NOS2: variants seen among roughly 807,000 people sequenced by gnomAD.
NOS2 encodes the protein nitric oxide synthase 2.
A neutral mutation model predicts 136.0 loss-of-function variants in NOS2; 96 were observed. The ratio of observed to expected loss-of-function variants is 0.71; its 90% CI spans 0.60 to 0.84. The LOEUF is 0.84. NOS2 is among the 40% of genes least tolerant of loss of function. NOS2 has a pLI of 0.00. For synonymous variants in NOS2, 539 were observed against 587.5 expected (o/e 0.92, Z 1.20); for missense variants, 1,237 against 1,496.9 (o/e 0.83, Z 2.87).
At chr17:27,761,799 G>C (rs1322873174) in intron 22 of NOS2, among the ~76,000 whole-genome samples, 5 of 152,262 alleles carry the variant, frequency 3.3e-5, no homozygotes, top group African/African-American at 9.6e-5. Flanking sequence ...TCTCTGGGTT[G>C]TGTTCCCTTT....
intron 2 of NOS2, among the ~76,000 whole-genome samples, chr17:27,790,242 C>T (rs1909148606): frequency 6.6e-6 from 1 of 152,142 alleles, no homozygotes; most frequent in Non-Finnish European, 1.5e-5. Context: ...TACAGGCGCA[C>T]ACCACCACAC....
Position 27,757,206 on chromosome 17 carries a change from T to G in NOS2, c.*40A>C. 1 of 1,542,722 alleles carries G rather than the reference T, an allele frequency of 6.5e-7. No homozygotes were observed. Among genetic ancestry groups the G allele is most frequent in the Non-Finnish European group, 8.9e-7 (1 of 1,118,748 alleles). On this transcript the variant is annotated 3_prime_UTR_variant, in exon 27 of 27. Coordinates refer to ENST00000313735, the MANE Select transcript of NOS2 (RefSeq NM_000625.4). ...GATAATGCAGAGCTGGCTCCATCCT[T>G]AAGTTCTGTGCCGGCAGCTTTAACC... is the stretch of plus-strand genomic sequence containing the variant.
Position 27,761,160 on chromosome 17 carries a change from G to T in NOS2, c.2872C>A (p.Pro958Thr). 1.9e-6 allele frequency: 3 copies of T among 1,605,306 alleles called. No individual in the cohort carries two copies. ...LNSLKPQDPV[P>T]CFVRNASGFH... Reference sequence around the variant, plus strand: ...GGTGCTTACTTCCGCACAAAGCAGGGCACTGGGTCTTGGGGCTTCAGGCTG... The same window carrying T: ...GGTGCTTACTTCCGCACAAAGCAGGTCACTGGGTCTTGGGGCTTCAGGCTG... The change falls in exon 23 of 27, where the codon CCC becomes ACC. Residue 958 changes from proline (P) to threonine (T), a missense_variant. Pro to Thr is a conservative substitution (Grantham distance 38, BLOSUM62 -1). Around this residue, in one of 3 missense-constraint regions of NOS2, gnomAD observed 782 missense variants for 909.9 expected, o/e 0.86. Coordinates refer to ENST00000313735, the MANE Select transcript of NOS2 (RefSeq NM_000625.4).
intron 2 of NOS2, among the ~76,000 whole-genome samples, chr17:27,791,703 C>A (rs1909184205): frequency 1.3e-5 from 2 of 149,448 alleles, no homozygotes; most frequent in African/African-American, 2.5e-5. Context: ...CCATACTGTT[C>A]TTTAACAAGT....
At chr17:27,774,173 G>C in intron 12 of NOS2, 84 bp downstream of exon 12, 1 of 1,055,168 alleles carries the variant, frequency 9.5e-7, no homozygotes, top group Non-Finnish European at 1.3e-6. Context: ...TGCCCTACAT[G>C]TGTAACAATG....
chr17:27,797,622 G>A (rs1909394488), intron 2 of NOS2, among the ~76,000 whole-genome samples: 1 of 152,246 alleles, frequency 6.6e-6, no homozygotes, highest in Non-Finnish European at 1.5e-5. Context: ...CCATGGGAAA[G>A]GCTCCTCTGG....
chr17:27,781,275 G>A (rs547100915), intron 7 of NOS2, 98 bp from the exon 8 acceptor site: 4 of 1,364,138 alleles, frequency 2.9e-6, no homozygotes, highest in South Asian at 2.8e-5. Flanking sequence ...TACCTGCTCT[G>A]CAGCCCCTGA....
intron 1 of NOS2, 120 bp from the exon 2 acceptor site, chr17:27,799,002 G>T: frequency 3.4e-6 from 2 of 593,942 alleles, no homozygotes; most frequent in South Asian, 4.2e-5. Context: ...CTTCATCAAT[G>T]CTTTGCAACC....
In NOS2 at chr17:27,800,454, C is replaced by T. The variant is rs535281270; in HGVS notation, c.-189G>A. The T allele has an allele frequency of 2.6e-5, 4 of 152,256 alleles. No individual in the cohort carries two copies. The highest frequency in any genetic ancestry group is 2.1e-4 in the South Asian group (1 of 4,824). 9.4% of individuals were successfully genotyped at this position (152,256 alleles called of 1,614,324 possible). A position where few individuals can be genotyped will look rare whatever the true frequency, so the allele number is the denominator to read the frequency against. ...GCCCAGTCCCCTCATCAAAGGTGGC[C>T]GAGAGATTTTAAAGCAGGAATGAGG... On this transcript the variant is annotated 5_prime_UTR_variant, in exon 1 of 27. Coordinates refer to ENST00000313735, the MANE Select transcript of NOS2 (RefSeq NM_000625.4).
intron 5 of NOS2, among the ~76,000 whole-genome samples, chr17:27,786,636 T>C (rs1909033594): frequency 6.6e-6 from 1 of 152,178 alleles, no homozygotes; most frequent in Non-Finnish European, 1.5e-5. Context: ...GGCCCAGGCA[T>C]TGTTCCTAGC....
chr17:27,765,656 C>T lies in NOS2; in HGVS notation c.2307G>A (p.Pro769=), dbSNP rs751522530. 5.0e-6 allele frequency: 8 copies of T among 1,613,376 alleles called. No individual in the cohort carries two copies. The highest frequency in any genetic ancestry group is 2.7e-5 in the African/African-American group (2 of 74,956). Residue 769 remains proline (P), a synonymous_variant, in exon 20 of 27, where the codon CCG becomes CCA. Coordinates refer to ENST00000313735, the MANE Select transcript of NOS2 (RefSeq NM_000625.4). ...CTGGGCAAACCCCAAGGTGCTCCCC[C>T]GGCAGGTAGTTCAGGCCTTGGCCAT... ...CEDGQGLNYL[P]GEHLGVCPGN... is the part of the protein sequence containing the mutation.
intron 2 of NOS2, chr17:27,793,690 C>A: frequency 2.5e-6 from 1 of 395,428 alleles, no homozygotes; most frequent in Non-Finnish European, 4.5e-6. Flanking sequence ...CAGCCCCTCG[C>A]GCATGGCCCG....
At chr17:27,759,258 GGCTGGGATTAGAGAGATAAAT>G (rs1567631802) in intron 25 of NOS2, among the ~76,000 whole-genome samples, 183 bp from the exon 26 acceptor site, 3 of 152,174 alleles carry the variant, frequency 2.0e-5, no homozygotes, top group African/African-American at 7.2e-5. Flanking sequence ...CCTGGGGCTC[GGCTGGGATTAGAGAGATAAAT>G]GCTGGACACA....
At chr17:27,766,632 A>C (rs201282291) in intron 18 of NOS2, 44 bp from the exon 19 acceptor site, 2 of 1,521,642 alleles carry the variant, frequency 1.3e-6, no homozygotes, top group Admixed American at 3.3e-5. Context: ...GTGGTTCTTG[A>C]GCGTAGGTAG....
chr17:27,770,772 C>A lies in NOS2; in HGVS notation c.1809+141G>T, dbSNP rs982602526. The stretch of plus-strand genomic sequence containing the variant: ...TGGCAATAATTACAATGGAGGCCGG[C>A]AAATGACCTGAGTGACCCGGAGTGG... On this transcript the variant is annotated intron_variant, in intron 15 of 26. Transcript: ENST00000313735. 3.4e-5 allele frequency: 20 copies of A among 582,970 alleles called. No homozygotes were observed. The East Asian group carries it at 5.7e-4, about 17-fold the overall frequency. The allele number at this position is 582,970 out of a possible 1,614,324, so 36.1% of individuals were successfully genotyped here.
At position 27,778,776 on chromosome 17, in the gene NOS2, T is replaced by G. The variant is rs1908743271; in HGVS notation, c.1195A>C (p.Met399Leu). ...YNILEEVGRR[M>L]GLETHKLASL... ...GCCAGCTTGTGCGTTTCCAGGCCCA[T>G]TCTCCTGCCCACTTCCTACAGAGGC... Residue 399 changes from methionine to leucine, a missense_variant, in exon 11 of 27, where the codon ATG (methionine) becomes CTG (leucine). Transcript: ENST00000313735. The G allele has an allele frequency of 1.9e-6, 3 of 1,614,200 alleles. No individual in the cohort carries two copies. Among genetic ancestry groups the G allele is most frequent in the Non-Finnish European group, 2.5e-6 (3 of 1,180,028 alleles).
chr17:27,791,662 T>C (rs1909182894), intron 2 of NOS2, among the ~76,000 whole-genome samples: 1 of 152,100 alleles, frequency 6.6e-6, no homozygotes, highest in African/African-American at 2.4e-5. Flanking sequence ...TAGGTCCCTG[T>C]ACCTATTGAG....
chr17:27,771,846 C>T (rs916776854), intron 14 of NOS2, among the ~76,000 whole-genome samples: 12 of 152,328 alleles, frequency 7.9e-5, no homozygotes, highest in African/African-American at 1.2e-4. Flanking sequence ...CCTCAGAGCC[C>T]GGGGCTGGTC....
At chr17:27,762,576 T>G (rs28944190) in intron 22 of NOS2, among the ~76,000 whole-genome samples, 9,866 of 152,224 alleles carry the variant, frequency 0.065, 642 homozygotes, top group East Asian at 0.19. Context: ...ATGCACACAG[T>G]GCCTACCCCA....
Sources: allele counts gnomAD v4.1 joint callset (sites outside exome capture counted in the v4.1 genomes callset), GRCh38; gene constraint gnomAD v4.1.1; regional missense constraint gnomAD v4.1.1; transcripts MANE v1.5; gene names NCBI Gene and HGNC (gene_info 2026-07-23, HGNC 2026-07-21).